ILDR1: variants seen among roughly 807,000 people sequenced by gnomAD.
The protein encoded by ILDR1 is immunoglobulin-like domain-containing receptor 1.
Under a neutral mutation model 62.4 loss-of-function variants are expected in ILDR1, and 56 were observed. The observed-to-expected ratio is 0.90, with a 90% CI of 0.72 to 1.12. The LOEUF is 1.12. Among genes scored for constraint, ILDR1 ranks in the 50% most tolerant of loss-of-function variants. The pLI, the probability that ILDR1 is intolerant of heterozygous loss-of-function variation, is 0.00. For missense variants in ILDR1, 736 were observed against 710.6 expected, an observed-to-expected ratio of 1.04 and a Z score of -0.41; for synonymous variants, 284 against 277.8, an observed-to-expected ratio of 1.02 and a Z score of -0.22.
chr3:122,028,319 G>A, the ILDR1 span, among the ~76,000 whole-genome samples: 1 of 120,122 alleles, frequency 8.3e-6, no homozygotes, highest in African/African-American at 3.3e-5. Context: ...CTGGGCAACA[G>A]AGCGAGACTC....
the ILDR1 span, among the ~76,000 whole-genome samples, chr3:122,060,019 T>G: frequency 6.6e-6 from 1 of 151,970 alleles, no homozygotes; most frequent in African/African-American, 2.4e-5. Context: ...AAAAAATAAA[T>G]TTTTTTTGTT....
rs537594128 is a variant in ILDR1, at chr3:122,021,875, C to T, written c.58+145G>A. ...ACAGGCAGAAACTCGATCCAGTCCC[C>T]GCACCTCCTGGCGCCCATGCCAAGC... On this transcript the variant is annotated intron_variant, in intron 1 of 7. Transcript: ENST00000344209. The T allele has an allele frequency of 1.1e-5, 8 of 725,128 alleles. No homozygotes were observed. In the Admixed American group the frequency reaches 1.6e-4, roughly 15 times the overall value. 44.9% of individuals were successfully genotyped at this position (725,128 alleles called of 1,614,324 possible).
In ILDR1 at chr3:122,007,122, CG is replaced by C. The variant is rs772445517; in HGVS notation, c.97del (p.Arg33AlafsTer26). 2.1e-5 allele frequency: 34 copies of C among 1,614,012 alleles called. No homozygotes were observed. Among genetic ancestry groups the C allele is most frequent in the Non-Finnish European group, 1.7e-6 (2 of 1,180,030 alleles). On this transcript the variant is annotated frameshift_variant, in exon 2 of 8. Transcript: ENST00000344209. LOFTEE classifies it high-confidence loss of function. Reference protein sequence around the residue: ...SLLVTVQHTERYVTLFASIIL... With the variant: ...SLLVTVQHTEXYVTLFASIIL... ...GATAGAGGCAAACAGGGTGACATAGCGTTCTGTGTGCTGGACCGTCACAAGC... is the reference window on the plus strand; with the variant it reads ...GATAGAGGCAAACAGGGTGACATAGCTTCTGTGTGCTGGACCGTCACAAGC...
At chr3:122,053,515 G>C in the ILDR1 span, among the ~76,000 whole-genome samples, 1 of 152,098 alleles carries the variant, frequency 6.6e-6, no homozygotes, top group East Asian at 1.9e-4. Context: ...AAAACTGTCT[G>C]ATATTAGGAA....
chr3:122,038,728 T>C, the ILDR1 span, among the ~76,000 whole-genome samples: 2 of 152,114 alleles, frequency 1.3e-5, no homozygotes, highest in African/African-American at 4.8e-5. Context: ...ATATATCAAA[T>C]GACTTATTGG....
At chr3:122,013,962 C>T (rs894526870) in intron 1 of ILDR1, among the ~76,000 whole-genome samples, 4 of 152,152 alleles carry the variant, frequency 2.6e-5, no homozygotes, top group African/African-American at 4.8e-5. Context: ...TTTACTTTCT[C>T]TCAATTTCAT....
chr3:122,049,981 T>C, the ILDR1 span, among the ~76,000 whole-genome samples: 2 of 152,254 alleles, frequency 1.3e-5, no homozygotes, highest in African/African-American at 4.8e-5. Context: ...CTGTAAGAAA[T>C]CAATTTCTGT....
In ILDR1 at chr3:122,016,511, T is replaced by C. The variant is rs57130685; in HGVS notation, c.58+5509A>G. ...TAAGTGCCCTAAAAGTTCAAAAAAA[T>C]GGTTAACATTAACCATGTCTAGTAC... On this transcript the variant is annotated intron_variant, in intron 1 of 7. Coordinates refer to ENST00000344209, the MANE Select transcript of ILDR1 (RefSeq NM_001199799.2). 0.055 allele frequency among the ~76,000 whole-genome samples: 8,359 copies of C among 152,248 alleles called. 1,231 individuals are homozygous for C. In the East Asian group the frequency reaches 0.62, roughly 11 times the overall value.
chr3:122,006,577 A>G (rs1489871539), intron 2 of ILDR1, among the ~76,000 whole-genome samples: 1 of 151,902 alleles, frequency 6.6e-6, no homozygotes, highest in East Asian at 1.9e-4. Context: ...GGAGCAAGAG[A>G]CTTCACAAAT....
intron 1 of ILDR1, among the ~76,000 whole-genome samples, chr3:122,021,018 C>T (rs1179666661): frequency 6.6e-6 from 1 of 152,162 alleles, no homozygotes; most frequent in Non-Finnish European, 1.5e-5. Flanking sequence ...TCTTATGGAG[C>T]TTGTAGAAAG....
At chr3:122,014,612 C>G (rs1340961811) in intron 1 of ILDR1, among the ~76,000 whole-genome samples, 1 of 152,090 alleles carries the variant, frequency 6.6e-6, no homozygotes, top group Non-Finnish European at 1.5e-5. Flanking sequence ...TTCTTTTATT[C>G]CAGTAGAATA....
upstream of ILDR1, among the ~76,000 whole-genome samples, chr3:122,025,676 T>G (rs1037043044): frequency 2.9e-4 from 44 of 152,346 alleles, no homozygotes; most frequent in African/African-American, 9.6e-4. Flanking sequence ...TGTGTTAGAA[T>G]AATGTAATAT....
At chr3:122,042,378 C>T in the ILDR1 span, among the ~76,000 whole-genome samples, 3 of 64,868 alleles carry the variant, frequency 4.6e-5, no homozygotes, top group African/African-American at 1.9e-4. Context: ...AATAAACATA[C>T]GTGTGCATGT....
chr3:122,028,512 A>G, the ILDR1 span, among the ~76,000 whole-genome samples: 1 of 152,216 alleles, frequency 6.6e-6, no homozygotes, highest in African/African-American at 2.4e-5. Context: ...TTTAAAAGTC[A>G]CAAACTAGGA....
At chr3:122,034,460 A>G in the ILDR1 span, among the ~76,000 whole-genome samples, 1 of 152,218 alleles carries the variant, frequency 6.6e-6, no homozygotes, top group East Asian at 1.9e-4. Context: ...TGGAAAAAGC[A>G]AGCTCATATA....
intron 1 of ILDR1, among the ~76,000 whole-genome samples, chr3:122,021,432 G>T (rs999097830): frequency 6.6e-6 from 1 of 152,200 alleles, no homozygotes; most frequent in East Asian, 1.9e-4. Context: ...AAGCCTGAGA[G>T]GGTAGATGGT....
intron 7 of ILDR1, among the ~76,000 whole-genome samples, chr3:121,989,542 G>T (rs1372277600): frequency 2.6e-5 from 4 of 152,266 alleles, no homozygotes; most frequent in Non-Finnish European, 4.4e-5. Flanking sequence ...AATACCTTGA[G>T]AATGTCTTAG....
At chr3:122,046,610 G>C in the ILDR1 span, among the ~76,000 whole-genome samples, 14 of 151,226 alleles carry the variant, frequency 9.3e-5, no homozygotes, top group South Asian at 2.5e-3. Context: ...TGGAGGCTTT[G>C]CTCGTTTCTT....
chr3:122,030,623 T>TCTC, the ILDR1 span, among the ~76,000 whole-genome samples: 21,490 of 147,508 alleles, frequency 0.15, 1,661 homozygotes, highest in Middle Eastern at 0.22. Context: ...GCAAGGGTTT[T>TCTC]TCTCTCTCTC....
Sources: gnomAD v4.1 joint callset for allele counts (sites outside exome capture counted in the v4.1 genomes callset) on GRCh38, gnomAD v4.1.1 for gene constraint, MANE v1.5 for transcripts, NCBI Gene and HGNC (gene_info 2026-07-23, HGNC 2026-07-21) for gene names.